APOBR: variants seen among roughly 807,000 people sequenced by gnomAD.
APOBR encodes the protein apoB-48R.
A neutral mutation model predicts 88.5 loss-of-function variants in APOBR; 57 were observed. The ratio of observed to expected loss-of-function variants is 0.64; its 90% confidence interval spans 0.52 to 0.80. The LOEUF is 0.80. Among genes scored for constraint, APOBR ranks in the 30% least tolerant of loss-of-function variants. APOBR has a pLI of 0.00. For synonymous variants in APOBR, 588 were observed against 572.7 expected (o/e 1.03, Z -0.38); for missense variants, 1,443 against 1,401.6 (o/e 1.03, Z -0.47).
chr16:28,495,122 C>T lies in APOBR; in HGVS notation c.81C>T (p.Ser27=), dbSNP rs2046378745. ...AGGATTCCCTCGGCACCTTTGTCTC[C>T]TACCTCCTGGGAGATGCAGTCCCCA... ...GALDSLGTFV[S]YLLGDAVPTV... The change falls in exon 2 of 4, where the codon TCC becomes TCT. Residue 27 remains serine (S), a synonymous_variant. Coordinates refer to ENST00000564831, the MANE Select transcript of APOBR (RefSeq NM_018690.4). 2 of 1,536,602 alleles carry T rather than the reference C, an allele frequency of 1.3e-6. No homozygotes were observed. Among genetic ancestry groups the T allele is most frequent in the African/African-American group, 1.4e-5 (1 of 71,922 alleles).
In APOBR at chr16:28,494,663, A is replaced by G. The variant is rs1278951294; in HGVS notation, c.-19A>G. 7 of 1,607,250 alleles carry G rather than the reference A, an allele frequency of 4.4e-6. No homozygotes were observed. The stretch of plus-strand genomic sequence containing the variant: ...CGGTCATTATCAGCTTTCTGGACAC[A>G]CAGACAGAGACAGACAGGATGGACT... On this transcript the variant is annotated 5_prime_UTR_variant, in exon 1 of 4. Transcript: ENST00000564831.
intron 1 of APOBR, 75 bp downstream of exon 1, chr16:28,494,813 G>T (rs747191944): frequency 7.1e-7 from 1 of 1,403,684 alleles, no homozygotes; most frequent in African/African-American, 1.4e-5. Context: ...CTCCCCTGGG[G>T]CCTCACCTTT....
chr16:28,495,757 C>T lies in APOBR; in HGVS notation c.716C>T (p.Pro239Leu), dbSNP rs746877910. 1 of 1,553,632 alleles carries T rather than the reference C, an allele frequency of 6.4e-7. No individual in the cohort carries two copies. The highest frequency in any genetic ancestry group is 8.7e-7 in the Non-Finnish European group (1 of 1,148,952). Residue 239 changes from proline to leucine, a missense_variant, in exon 2 of 4, where the codon CCT (proline) becomes CTT (leucine). Pro to Leu is a moderately conservative substitution (Grantham distance 98). Transcript: ENST00000564831. The stretch of plus-strand genomic sequence containing the variant: ...GCAGATGCAGGGGAAACTGAGGAGC[C>T]TGGGGCCGAAGGGGCTGGGAAAGGA... ...READAGETEE[P>L]GAEGAGKGEE...
Position 28,497,417 on chromosome 16 carries a change from G to A in APOBR, c.2376G>A (p.Ser792=), listed in dbSNP as rs758109671. ...LEGVLGQGWD[S]KEKEEAAAGE... is the part of the protein sequence containing the mutation. ...GGGTGCTTGGGCAAGGCTGGGACTC[G>A]AAAGAAAAGGAAGAGGCAGCAGCAG... Residue 792 remains serine (S), a synonymous_variant, in exon 2 of 4, where the codon TCG becomes TCA. Transcript: ENST00000564831. The A allele has an allele frequency of 6.8e-6, 11 of 1,613,466 alleles. No individual in the cohort carries two copies. Among genetic ancestry groups the A allele is most frequent in the East Asian group, 6.7e-5 (3 of 44,884 alleles).
rs1235049660 is a variant in APOBR, at chr16:28,496,514, A to G, written c.1473A>G (p.Ala491=). ...CCAGGATGGAAGAGCTGGTACAGGC[A>G]GAGGAGGCCCAGGAGGAGAGAGGGA... ...DRARMEELVQ[A]EEAQEERGSS... The change falls in exon 2 of 4, where the codon GCA becomes GCG. Residue 491 remains alanine, a synonymous_variant. Transcript: ENST00000564831. 1.3e-6 allele frequency: 2 copies of G among 1,585,628 alleles called. No homozygotes were observed. Among genetic ancestry groups the G allele is most frequent in the Non-Finnish European group, 1.7e-6 (2 of 1,166,300 alleles).
intron 1 of APOBR, 65 bp downstream of exon 1, chr16:28,494,803 C>G: frequency 6.7e-7 from 1 of 1,486,916 alleles, no homozygotes; most frequent in Non-Finnish European, 9.2e-7. Flanking sequence ...TTCCGGGCAC[C>G]TCCCCTGGGG....
In APOBR at chr16:28,498,955, A is replaced by C; in HGVS notation, c.*450A>C. ...TAAAACAATAAAGACTGCAAGGAAG[A>C]CTGAGGGAACAGCGACCATTTTCCT... is the stretch of plus-strand genomic sequence containing the variant. On this transcript the variant is annotated 3_prime_UTR_variant, in exon 4 of 4. Transcript: ENST00000564831. 7.4e-6 allele frequency: 3 copies of C among 405,414 alleles called. No individual in the cohort carries two copies. The highest frequency in any genetic ancestry group is 2.0e-5 in the South Asian group (1 of 49,780). 25.1% of individuals were successfully genotyped at this position (405,414 alleles called of 1,614,324 possible).
At position 28,497,554 on chromosome 16, in the gene APOBR, GA is replaced by G. The variant is rs2046403049; in HGVS notation, c.2514del (p.Arg840GlyfsTer2). On this transcript the variant is annotated frameshift_variant, in exon 2 of 4. Transcript: ENST00000564831. LOFTEE classifies it high-confidence loss of function. ...AFESREGGPW[G>X]GRVEAEESAG... is the part of the protein sequence containing the mutation. Reference sequence around the variant, plus strand: ...GAGTCCAGGGAGGGAGGACCTTGGGGAGGGCGGGTAGAGGCCGAGGAATCTG... The same window carrying G: ...GAGTCCAGGGAGGGAGGACCTTGGGGGGGCGGGTAGAGGCCGAGGAATCTG... The G allele has an allele frequency of 6.2e-7, 1 of 1,607,310 alleles. No homozygotes were observed.
In APOBR at chr16:28,495,580, A is replaced by T; in HGVS notation, c.539A>T (p.Glu180Val). The T allele has an allele frequency of 6.4e-7, 1 of 1,562,786 alleles. No individual in the cohort carries two copies. Among genetic ancestry groups the T allele is most frequent in the East Asian group, 2.4e-5 (1 of 42,010 alleles). Residue 180 changes from glutamate (E) to valine (V), a missense_variant, in exon 2 of 4, where the codon GAG (glutamate) becomes GTG (valine). Glu to Val is a moderately radical substitution (Grantham distance 121, BLOSUM62 -2). Transcript: ENST00000564831. Reference protein sequence around the residue: ...EERLRSWEQEEEEEEVRAREP... With the variant: ...EERLRSWEQEVEEEEVRAREP... The stretch of plus-strand genomic sequence containing the variant: ...AGGCTGAGAAGCTGGGAACAGGAGG[A>T]GGAGGAGGAAGAGGTCAGGGCAAGA...
At chr16:28,494,825 C>T (rs1483161817) in intron 1 of APOBR, 87 bp downstream of exon 1, 1 of 1,283,084 alleles carries the variant, frequency 7.8e-7, no homozygotes. Flanking sequence ...CTCACCTTTC[C>T]CCTCCTCCTT....
chr16:28,495,503 C>T lies in APOBR; in HGVS notation c.462C>T (p.Gly154=). The T allele has an allele frequency of 6.4e-7, 1 of 1,568,936 alleles. No individual in the cohort carries two copies. The highest frequency in any genetic ancestry group is 8.6e-7 in the Non-Finnish European group (1 of 1,157,214). ...CTGGGGCTTGCCAAGACAGGAGCGG[C>T]CAAGCCCAGGAGAGGCAGGAGTCCC... ...AGSGACQDRS[G]QAQERQESHE... The change falls in exon 2 of 4, where the codon GGC becomes GGT. Residue 154 remains glycine, a synonymous_variant. Transcript: ENST00000564831.
At position 28,498,230 on chromosome 16, in the gene APOBR, T is replaced by C. The variant is rs2046409422; in HGVS notation, c.3105T>C (p.Pro1035=). The C allele has an allele frequency of 1.2e-6, 2 of 1,607,646 alleles. No homozygotes were observed. Among genetic ancestry groups the C allele is most frequent in the Non-Finnish European group, 8.5e-7 (1 of 1,178,276 alleles). Reference sequence around the variant, plus strand: ...AGGAGCCCCCAGCCCCCAACCCTCCTGAGGAGGAGCTGTCAGCTCCTGAGC... The same window carrying C: ...AGGAGCCCCCAGCCCCCAACCCTCCCGAGGAGGAGCTGTCAGCTCCTGAGC... ...QQEEPPAPNP[P]EEELSAPEQR... The change falls in exon 3 of 4, where the codon CCT becomes CCC. Residue 1035 remains proline, a synonymous_variant. Coordinates refer to ENST00000564831, the MANE Select transcript of APOBR (RefSeq NM_018690.4).
chr16:28,495,598 G>C lies in APOBR; in HGVS notation c.557G>C (p.Arg186Thr). 1.3e-6 allele frequency: 2 copies of C among 1,561,834 alleles called. No homozygotes were observed. The highest frequency in any genetic ancestry group is 1.9e-5 in the Admixed American group (1 of 51,494). ...WEQEEEEEEV[R>T]AREPGMARGA... ...CAGGAGGAGGAGGAGGAAGAGGTCA[G>C]GGCAAGAGAGCCAGGGATGGCCAGA... is the stretch of plus-strand genomic sequence containing the variant. The change falls in exon 2 of 4, where the codon AGG becomes ACG. Residue 186 changes from arginine (R) to threonine (T), a missense_variant. Coordinates refer to ENST00000564831, the MANE Select transcript of APOBR (RefSeq NM_018690.4).
In APOBR at chr16:28,497,577, T is replaced by C. The variant is rs1192695891; in HGVS notation, c.2536T>C (p.Ser846Pro). ...PWGGRVEAEE[S>P]AGAEDSCGLD... ...GGGAGGGCGGGTAGAGGCCGAGGAA[T>C]CTGCAGGCGCAGAGGACAGCTGTGG... Residue 846 changes from serine (S) to proline (P), a missense_variant, in exon 2 of 4, where the codon TCT becomes CCT. Coordinates refer to ENST00000564831, the MANE Select transcript of APOBR (RefSeq NM_018690.4). 1.2e-6 allele frequency: 2 copies of C among 1,604,120 alleles called. No individual in the cohort carries two copies. Among genetic ancestry groups the C allele is most frequent in the South Asian group, 1.1e-5 (1 of 89,552 alleles).
In APOBR at chr16:28,496,991, G is replaced by A. The variant is rs369927480; in HGVS notation, c.1950G>A (p.Glu650=). Residue 650 remains glutamate, a synonymous_variant, in exon 2 of 4, where the codon GAG becomes GAA. Transcript: ENST00000564831. ...CCGATGGCGAGCAGCGGGAGGAGGA[G>A]GAGACTGCGGGAGGCCAGACCCTGG... ...DAADGEQREE[E]ETAGGQTLAA... is the part of the protein sequence containing the mutation. The A allele has an allele frequency of 1.2e-4, 187 of 1,565,706 alleles. 3 individuals are homozygous for A. The African/African-American group carries it at 2.1e-3, about 18-fold the overall frequency.
chr16:28,497,341 G>C lies in APOBR; in HGVS notation c.2300G>C (p.Gly767Ala). Residue 767 changes from glycine (G) to alanine (A), a missense_variant, in exon 2 of 4, where the codon GGT becomes GCT. Physicochemically the swap from Gly to Ala is moderately conservative, Grantham distance 60 (BLOSUM62 0). Transcript: ENST00000564831. ...TCTGTGGCTGCTGGGATTATGGGGG[G>C]TGATGTGGTCCCACACATCAGCGCT... is the stretch of plus-strand genomic sequence containing the variant. ...TGSVAAGIMG[G>A]DVVPHISAAG... The C allele has an allele frequency of 6.2e-7, 1 of 1,607,280 alleles. No homozygotes were observed. The highest frequency in any genetic ancestry group is 8.5e-7 in the Non-Finnish European group (1 of 1,177,156).
rs2046397174 is a variant in APOBR, at chr16:28,496,909, C to G, written c.1868C>G (p.Ala623Gly). 1 of 1,558,622 alleles carries G rather than the reference C, an allele frequency of 6.4e-7. No homozygotes were observed. The highest frequency in any genetic ancestry group is 2.4e-5 in the East Asian group (1 of 42,036). ...KPEASEAFPGAWENRTRKDME... is the reference protein window; with the variant it reads ...KPEASEAFPGGWENRTRKDME... ...GAGGCCTCCGAGGCCTTCCCAGGAG[C>G]CTGGGAAAACCGCACGAGAAAGGAC... Residue 623 changes from alanine to glycine, a missense_variant, in exon 2 of 4, where the codon GCC becomes GGC. By Grantham distance (60) the Ala-to-Gly change is moderately conservative. Coordinates refer to ENST00000564831, the MANE Select transcript of APOBR (RefSeq NM_018690.4).
In APOBR at chr16:28,497,108, A is replaced by G; in HGVS notation, c.2067A>G (p.Gly689=). 6.2e-7 allele frequency: 1 copy of G among 1,603,784 alleles called. No individual in the cohort carries two copies. Among genetic ancestry groups the G allele is most frequent in the Non-Finnish European group, 8.5e-7 (1 of 1,175,498 alleles). ...TGACAACCCAGGACGCGGGATGTGG[A>G]ACTGAGGAGGGAGAGGCATCTGTCT... is the stretch of plus-strand genomic sequence containing the variant. The part of the protein sequence containing the change: ...EGLTTQDAGC[G]TEEGEASVSE... The change falls in exon 2 of 4, where the codon GGA becomes GGG. Residue 689 remains glycine, a synonymous_variant. Coordinates refer to ENST00000564831, the MANE Select transcript of APOBR (RefSeq NM_018690.4).
At position 28,497,924 on chromosome 16, in the gene APOBR, G is replaced by A; in HGVS notation, c.2883G>A (p.Glu961=). The change falls in exon 2 of 4, where the codon GAG becomes GAA. Residue 961 remains glutamate, a synonymous_variant. Coordinates refer to ENST00000564831, the MANE Select transcript of APOBR (RefSeq NM_018690.4). ...AGGCCCCTGCAGAAGCTGCGCCGGAGTCAGTCGGGGAAGCCGAGACGGCTG... is the reference window on the plus strand; with the variant it reads ...AGGCCCCTGCAGAAGCTGCGCCGGAATCAGTCGGGGAAGCCGAGACGGCTG... ...THQAPAEAAP[E]SVGEAETAEA... 6.2e-7 allele frequency: 1 copy of A among 1,613,606 alleles called. No homozygotes were observed. Among genetic ancestry groups the A allele is most frequent in the Non-Finnish European group, 8.5e-7 (1 of 1,179,754 alleles).
Sources: gnomAD v4.1 joint callset for allele counts on GRCh38, gnomAD v4.1.1 for gene constraint, MANE v1.5 for transcripts, NCBI Gene and HGNC (gene_info 2026-07-23, HGNC 2026-07-21) for gene names.